TTN: variants seen among roughly 807,000 people sequenced by gnomAD.
TTN encodes titin, also known as connectin.
A neutral mutation model predicts 3,223.0 loss-of-function variants in TTN; 1,525 were observed. The ratio of observed to expected loss-of-function variants is 0.47; its 90% CI spans 0.45 to 0.49. The LOEUF (loss-of-function observed/expected upper bound fraction) is 0.49, where lower values mean the gene tolerates loss of function less well. Ranked by LOEUF, TTN falls within the 20% of genes least tolerant of loss-of-function variation. The pLI, the probability that TTN is intolerant of heterozygous loss-of-function variation, is 0.00. For synonymous variants in TTN, 14,094 were observed against 15,161.0 expected (o/e 0.93, Z 5.17); for missense variants, 40,786 against 43,424.0 (o/e 0.94, Z 5.40).
Position 178,653,837 on chromosome 2 carries a change from G to T in TTN, c.38525C>A (p.Pro12842Gln). Residue 12842 changes from proline to glutamine, a missense_variant, in exon 195 of 363, where the codon CCA (proline) becomes CAA (glutamine). Coordinates refer to ENST00000589042, the MANE Select transcript of TTN (RefSeq NM_001267550.2). ...KEIPVAPPKK[P>Q]EAPIVPVPEA... is the part of the protein sequence containing the mutation. ...TGTACCTGGGACAATTGGAGCTTCT[G>T]GTTTTTTGGGTGGAGCCACGGGAAT... 6.3e-7 allele frequency: 1 copy of T among 1,594,410 alleles called. No homozygotes were observed. Among genetic ancestry groups the T allele is most frequent in the Non-Finnish European group, 8.5e-7 (1 of 1,179,048 alleles).
At position 178,731,370 on chromosome 2, in the gene TTN, T is replaced by C. The variant is rs572678771; in HGVS notation, c.17396A>G (p.Lys5799Arg). ...LSGIEVKHDG[K>R]YVCQAKNDAG... ...ATCATTTTTGGCCTGACAGACATATTTCCCATCATGCTTGACTTCAATGCC... is the reference window on the plus strand; with the variant it reads ...ATCATTTTTGGCCTGACAGACATATCTCCCATCATGCTTGACTTCAATGCC... Residue 5799 changes from lysine (K) to arginine (R), a missense_variant, in exon 59 of 363, where the codon AAA becomes AGA. Lys to Arg is a conservative substitution (Grantham distance 26). Coordinates refer to ENST00000589042, the MANE Select transcript of TTN (RefSeq NM_001267550.2). The C allele has an allele frequency of 2.5e-6, 4 of 1,613,818 alleles. No individual in the cohort carries two copies. The East Asian group carries it at 8.9e-5, about 36-fold the overall frequency.
At position 178,741,662 on chromosome 2, in the gene TTN, T is replaced by C. The variant is rs2082507486; in HGVS notation, c.11571A>G (p.Gly3857=). Reference sequence around the variant, plus strand: ...AGTCAGCAGAAGGGGTTAATAGCACTCCATTAAAGAACCACTGAATTTTAG... The same window carrying C: ...AGTCAGCAGAAGGGGTTAATAGCACCCCATTAAAGAACCACTGAATTTTAG... The part of the protein sequence containing the change: ...PKPKIQWFFN[G]VLLTPSADYK... Residue 3857 remains glycine, a synonymous_variant, in exon 48 of 363, where the codon GGA becomes GGG. Coordinates refer to ENST00000589042, the MANE Select transcript of TTN (RefSeq NM_001267550.2). The C allele has an allele frequency of 4.3e-6, 7 of 1,613,690 alleles. No individual in the cohort carries two copies. The highest frequency in any genetic ancestry group is 5.9e-6 in the Non-Finnish European group (7 of 1,179,784).
At position 178,775,392 on chromosome 2, in the gene TTN, C is replaced by T; in HGVS notation, c.6472G>A (p.Gly2158Arg). 1 of 1,614,078 alleles carries T rather than the reference C, an allele frequency of 6.2e-7. No individual in the cohort carries two copies. Among genetic ancestry groups the T allele is most frequent in the South Asian group, 1.1e-5 (1 of 91,080 alleles). Residue 2158 changes from glycine to arginine, a missense_variant, in exon 28 of 363, where the codon GGA (glycine) becomes AGA (arginine). By Grantham distance (125) the Gly-to-Arg change is moderately radical (BLOSUM62 -2). Coordinates refer to ENST00000589042, the MANE Select transcript of TTN (RefSeq NM_001267550.2). ...AAGAATGCGTGACTGGAGGTTTCTC[C>T]AGCTATGTTGATGGCTTTTACCATG... ...SIMVKAINIA[G>R]ETSSHAFLLV...
chr2:178,547,860 GTC>G lies in TTN; in HGVS notation c.93764_93765del (p.Arg31255ThrfsTer2). 1 of 1,613,860 alleles carries G rather than the reference GTC, an allele frequency of 6.2e-7. No individual in the cohort carries two copies. Among genetic ancestry groups the G allele is most frequent in the Non-Finnish European group, 8.5e-7 (1 of 1,179,826 alleles). On this transcript the variant is annotated frameshift_variant, in exon 339 of 363. Transcript: ENST00000589042. LOFTEE classifies it high-confidence loss of function. The part of the protein sequence containing the change: ...PKVTWKLEEM[R>X]LKETDRVSIT... ...ATGCTCACTCGATCTGTCTCTTTAA[GTC>G]TCATTTCTTCCAGTTTCCATGTTAC... is the stretch of plus-strand genomic sequence containing the variant.
Position 178,608,860 on chromosome 2 carries a change from G to C in TTN, c.52151C>G (p.Thr17384Ser). Residue 17384 changes from threonine to serine, a missense_variant, in exon 274 of 363, where the codon ACC becomes AGC. Thr to Ser is a moderately conservative substitution (Grantham distance 58). Coordinates refer to ENST00000589042, the MANE Select transcript of TTN (RefSeq NM_001267550.2). ...TGGTTCCCATTTACAAAGGACTGAG[G>C]TCTTTCTGATATCTTCAAATACAAA... ...INFVFEDIRKTSVLCKWEPPL... is the reference protein window; with the variant it reads ...INFVFEDIRKSSVLCKWEPPL... The C allele has an allele frequency of 6.2e-7, 1 of 1,611,774 alleles. No homozygotes were observed. Among genetic ancestry groups the C allele is most frequent in the Non-Finnish European group, 8.5e-7 (1 of 1,179,172 alleles).
chr2:178,537,805 C>T lies in TTN; in HGVS notation c.99402G>A (p.Trp33134Ter). 6.2e-7 allele frequency: 1 copy of T among 1,613,678 alleles called. No homozygotes were observed. The highest frequency in any genetic ancestry group is 8.5e-7 in the Non-Finnish European group (1 of 1,179,756). Reference protein sequence around the residue: ...IVGRPLPDIKWYRFGKELIQS... With the variant: ...IVGRPLPDIK ...GTATGAGCTCTTTACCAAATCTGTA[C>T]CATTTAATGTCAGGAAGAGGCCTTC... The change falls in exon 355 of 363, where the codon TGG (tryptophan) becomes TGA (stop). Residue 33134 changes from tryptophan to a stop codon, truncating the protein, a stop_gained. Transcript: ENST00000589042. LOFTEE classifies it high-confidence loss of function.
rs770969582 is a variant in TTN at position 178,533,820 on chromosome 2, A to G, written c.102795T>C (p.Tyr34265=). The change falls in exon 358 of 363, where the codon TAT becomes TAC. Residue 34265 remains tyrosine, a synonymous_variant. Coordinates refer to ENST00000589042, the MANE Select transcript of TTN (RefSeq NM_001267550.2). ...TTTCACCTACATAAGCTGTCTTATT[A>G]TAGAGAGGCAGGGTAAATTCTGGTG... The part of the protein sequence containing the change: ...ERPPEFTLPL[Y]NKTAYVGENV... 2.5e-6 allele frequency: 4 copies of G among 1,613,894 alleles called. No homozygotes were observed. Among genetic ancestry groups the G allele is most frequent in the East Asian group, 4.5e-5 (2 of 44,892 alleles).
chr2:178,555,505 G>T, intron 330 of TTN: 1 of 214,094 alleles, frequency 4.7e-6, no homozygotes, highest in Non-Finnish European at 9.0e-6. Flanking sequence ...TTTCTTCTAC[G>T]CACCTCCTAT....
At position 178,704,632 on chromosome 2, in the gene TTN, A is replaced by C; in HGVS notation, c.29840T>G (p.Phe9947Cys). The C allele has an allele frequency of 6.2e-7, 1 of 1,612,554 alleles. No individual in the cohort carries two copies. Among genetic ancestry groups the C allele is most frequent in the East Asian group, 2.2e-5 (1 of 44,866 alleles). The change falls in exon 105 of 363, where the codon TTT (phenylalanine) becomes TGT (cysteine). Residue 9947 changes from phenylalanine (F) to cysteine (C), a missense_variant. Physicochemically the swap from Phe to Cys is radical, Grantham distance 205 (BLOSUM62 -2). Coordinates refer to ENST00000589042, the MANE Select transcript of TTN (RefSeq NM_001267550.2). ...GTEKLEPSDKFEISIDGDRHT... is the reference protein window; with the variant it reads ...GTEKLEPSDKCEISIDGDRHT... ...TCGGTCACCATCAATGCTTATTTCA[A>C]ATTTATCACTGGGTTCCAGTTTTTC...
At chr2:178,789,077 T>C (rs1299310063) in intron 13 of TTN, among the ~76,000 whole-genome samples, 1 of 152,104 alleles carries the variant, frequency 6.6e-6, no homozygotes, top group Non-Finnish European at 1.5e-5. Context: ...TTAGCCTGCA[T>C]GCAATTTTAA....
intron 40 of TTN, among the ~76,000 whole-genome samples, chr2:178,766,971 T>C (rs2090553042): frequency 6.6e-6 from 1 of 152,260 alleles, no homozygotes; most frequent in Admixed American, 6.5e-5. Context: ...CTTAATTTGA[T>C]TTCATTTTAT....
rs779175496 is a variant in TTN, at chr2:178,526,979, G to C, written c.*33C>G. The C allele has an allele frequency of 1.3e-5, 19 of 1,519,136 alleles. No homozygotes were observed. The highest frequency in any genetic ancestry group is 1.7e-5 in the Non-Finnish European group (19 of 1,128,762). 94.1% of individuals were successfully genotyped at this position (1,519,136 alleles called of 1,614,324 possible). A position where few individuals can be genotyped will look rare whatever the true frequency, so the allele number is the denominator to read the frequency against. On this transcript the variant is annotated 3_prime_UTR_variant, in exon 363 of 363. Transcript: ENST00000589042. ...GTGTGAAACGTTTGCGAAAAGTTAA[G>C]AATGAGTGTAGAGTATAAGGGCACA...
chr2:178,769,621 CT>C, intron 37 of TTN, 57 bp downstream of exon 37: 1 of 1,330,956 alleles, frequency 7.5e-7, no homozygotes, highest in Non-Finnish European at 1.0e-6. Context: ...AATGAATCTA[CT>C]GAATATTTGA....
rs771935490 is a variant in TTN at position 178,591,158 on chromosome 2, C to A, written c.60567G>T (p.Met20189Ile). 3 of 1,613,218 alleles carry A rather than the reference C, an allele frequency of 1.9e-6. No individual in the cohort carries two copies. Among genetic ancestry groups the A allele is most frequent in the Non-Finnish European group, 2.5e-6 (3 of 1,179,560 alleles). Residue 20189 changes from methionine to isoleucine, a missense_variant, in exon 304 of 363, where the codon ATG (methionine) becomes ATT (isoleucine). Coordinates refer to ENST00000589042, the MANE Select transcript of TTN (RefSeq NM_001267550.2). ...INILDVTPEHMTISWQPPKDD... is the reference protein window; with the variant it reads ...INILDVTPEHITISWQPPKDD... The stretch of plus-strand genomic sequence containing the variant: ...CCTTAGGTGGCTGCCATGAGATAGT[C>A]ATGTGTTCAGGAGTAACATCCAGAA...
chr2:178,804,254 G>C (rs889081628), intron 2 of TTN, among the ~76,000 whole-genome samples: 1 of 152,136 alleles, frequency 6.6e-6, no homozygotes, highest in Non-Finnish European at 1.5e-5. Flanking sequence ...CCCAAATATA[G>C]AATGACTAAA....
intron 330 of TTN, chr2:178,556,233 C>A (rs574321472): frequency 6.5e-6 from 1 of 153,738 alleles, no homozygotes; most frequent in East Asian, 1.9e-4. Flanking sequence ...AGGTTGAGAC[C>A]TGCCTGGCCA....
In TTN at chr2:178,535,461, GCCA is replaced by G; in HGVS notation, c.101151_101153del (p.Gly33718del). 1 of 1,613,864 alleles carries G rather than the reference GCCA, an allele frequency of 6.2e-7. No homozygotes were observed. The highest frequency in any genetic ancestry group is 1.3e-5 in the African/African-American group (1 of 75,034). On this transcript the variant is annotated inframe_deletion, in exon 358 of 363. Coordinates refer to ENST00000589042, the MANE Select transcript of TTN (RefSeq NM_001267550.2). ...CAACAATGTAGTTGGTGATTTTGCT[GCCA>G]CCATCAGAGGCTGGCTCAGTCCATG... is the stretch of plus-strand genomic sequence containing the variant.
In TTN at chr2:178,551,987, A is replaced by G. The variant is rs544353741; in HGVS notation, c.90913T>C (p.Tyr30305His). ...GAGACAAGTGGTTGGCTGACTCCGT[A>G]TCTGTTTTCTGCTCTCACTCTAAAC... ...YQFRVRAENR[Y>H]GVSQPLVSSI... The change falls in exon 335 of 363, where the codon TAC becomes CAC. Residue 30305 changes from tyrosine to histidine, a missense_variant. Transcript: ENST00000589042. The G allele has an allele frequency of 7.3e-5, 118 of 1,611,886 alleles. No individual in the cohort carries two copies. In the South Asian group the frequency reaches 1.2e-3, roughly 16 times the overall value.
rs1412957973 is a variant in TTN, at chr2:178,611,093, A to G, written c.51036T>C (p.Leu17012=). 1.9e-6 allele frequency: 3 copies of G among 1,612,710 alleles called. No individual in the cohort carries two copies. The highest frequency in any genetic ancestry group is 2.5e-6 in the Non-Finnish European group (3 of 1,179,228). ...CTGCACGGACACTCTTGGGAACTTC[A>G]AGGTGTGCAGAGATGTGATCATTCT... ...TMKNDHISAH[L]EVPKSVRADA... is the part of the protein sequence containing the mutation. The change falls in exon 270 of 363, where the codon CTT becomes CTC. Residue 17012 remains leucine, a synonymous_variant. Transcript: ENST00000589042.
Sources: gnomAD v4.1 joint callset for allele counts (sites outside exome capture counted in the v4.1 genomes callset) on GRCh38, gnomAD v4.1.1 for gene constraint, MANE v1.5 for transcripts, NCBI Gene and HGNC (gene_info 2026-07-23, HGNC 2026-07-21) for gene names.